ABCC5: variants seen among roughly 807,000 people sequenced by gnomAD.
The protein encoded by ABCC5 is ATP-binding cassette sub-family C member 5.
ABCC5 carries 61 observed loss-of-function variants against 160.9 expected under a neutral mutation model. The ratio of observed to expected loss-of-function variants is 0.38; its 90% CI spans 0.31 to 0.47. ABCC5 has a LOEUF of 0.47. Among genes scored for constraint, ABCC5 ranks in the 20% least tolerant of loss-of-function variants. The pLI is 0.99. For missense variants in ABCC5, 1,308 were observed against 1,813.3 expected, an observed-to-expected ratio of 0.72 and a Z score of 5.06; for synonymous variants, 666 against 700.6, an observed-to-expected ratio of 0.95 and a Z score of 0.78.
Position 183,981,824 on chromosome 3 carries a change from G to T in ABCC5, c.1050C>A (p.Ala350=), listed in dbSNP as rs774530115. ...TAYFRRKCVA[A]TDERVQKMNE... The stretch of plus-strand genomic sequence containing the variant: ...TCATCTTCTGGACACGTTCATCCGT[G>T]GCGGCCACGCATTTTCTCCTGAAAT... Residue 350 remains alanine (A), a synonymous_variant, in exon 8 of 30, where the codon GCC becomes GCA. Coordinates refer to ENST00000334444, the MANE Select transcript of ABCC5 (RefSeq NM_005688.4). The T allele has an allele frequency of 1.4e-5, 22 of 1,611,210 alleles. No homozygotes were observed. The highest frequency in any genetic ancestry group is 1.6e-5 in the Non-Finnish European group (19 of 1,179,300).
intron 17 of ABCC5, among the ~76,000 whole-genome samples, chr3:183,954,078 A>G (rs1343429464): frequency 6.6e-6 from 1 of 152,148 alleles, no homozygotes; most frequent in Non-Finnish European, 1.5e-5. Context: ...GTGCCCTATC[A>G]GGGAAAATAT....
chr3:183,972,935 C>G (rs973701555), intron 10 of ABCC5, among the ~76,000 whole-genome samples: 4 of 152,024 alleles, frequency 2.6e-5, no homozygotes, highest in African/African-American at 7.2e-5. Context: ...CGTGAGCCAC[C>G]GCACCCAGCT....
intron 14 of ABCC5, among the ~76,000 whole-genome samples, chr3:183,964,555 T>C (rs1399618280): frequency 2.0e-5 from 3 of 152,220 alleles, no homozygotes; most frequent in African/African-American, 7.2e-5. Context: ...TCCCAGATGA[T>C]GCTGATGCTG....
chr3:183,947,563 C>T lies in ABCC5; in HGVS notation c.3228-53G>A, dbSNP rs574169793. ...AAAGAAAGTACTACACAACCCCGCG[C>T]ATGGACAAAGCTTCAGCGAATCAGA... On this transcript the variant is annotated intron_variant, in intron 22 of 29. Coordinates refer to ENST00000334444, the MANE Select transcript of ABCC5 (RefSeq NM_005688.4). 5.6e-6 allele frequency: 8 copies of T among 1,426,254 alleles called. No homozygotes were observed. The East Asian group carries it at 1.5e-4, about 26-fold the overall frequency. The allele number at this position is 1,426,254 out of a possible 1,614,324, so 88.3% of individuals were successfully genotyped here.
intron 26 of ABCC5, among the ~76,000 whole-genome samples, chr3:183,930,824 T>C (rs1157807873): frequency 6.6e-6 from 1 of 152,204 alleles, no homozygotes; most frequent in Admixed American, 6.5e-5. Context: ...TTTCTGTTGT[T>C]TGAAGCCATC....
At chr3:184,015,603 G>C (rs1416257230) in intron 1 of ABCC5, among the ~76,000 whole-genome samples, 1 of 151,852 alleles carries the variant, frequency 6.6e-6, no homozygotes, top group Non-Finnish European at 1.5e-5. Flanking sequence ...GCAAAGACAG[G>C]TTTCCAGTCC....
At chr3:183,993,443 C>T (rs1719956842) in intron 2 of ABCC5, among the ~76,000 whole-genome samples, 1 of 144,820 alleles carries the variant, frequency 6.9e-6, no homozygotes, top group Non-Finnish European at 1.5e-5. Context: ...AAGATTGTGC[C>T]ACTGCACTCC....
chr3:183,957,128 G>T (rs1397221848), intron 17 of ABCC5, among the ~76,000 whole-genome samples: 3 of 106,116 alleles, frequency 2.8e-5, no homozygotes, highest in African/African-American at 1.1e-4. Context: ...ACATCACATC[G>T]GTTACATGCG....
intron 24 of ABCC5, among the ~76,000 whole-genome samples, chr3:183,945,138 G>A (rs114346007): frequency 0.036 from 5,499 of 152,204 alleles, 325 homozygotes; most frequent in African/African-American, 0.12. Flanking sequence ...TTAAGCCTTC[G>A]GAACTGTGAG....
At chr3:183,931,000 C>T (rs369985367) in intron 26 of ABCC5, among the ~76,000 whole-genome samples, 9 of 152,152 alleles carry the variant, frequency 5.9e-5, no homozygotes, top group Admixed American at 2.6e-4. Context: ...AGTACTGAAC[C>T]GTATAAATGC....
intron 2 of ABCC5, among the ~76,000 whole-genome samples, chr3:183,996,722 A>G (rs1006650974): frequency 5.3e-5 from 8 of 152,226 alleles, no homozygotes; most frequent in African/African-American, 1.9e-4. Context: ...TGGTTGAAAT[A>G]GCACTAATCT....
intron 16 of ABCC5, among the ~76,000 whole-genome samples, chr3:183,960,049 C>T (rs1393740159): frequency 2.0e-5 from 3 of 152,168 alleles, no homozygotes; most frequent in Non-Finnish European, 2.9e-5. Flanking sequence ...TTGCTCTCCC[C>T]AGTCACTAAA....
intron 16 of ABCC5, among the ~76,000 whole-genome samples, chr3:183,961,248 G>A (rs1716705572): frequency 6.6e-6 from 1 of 152,168 alleles, no homozygotes; most frequent in African/African-American, 2.4e-5. Context: ...TGCCCTCACT[G>A]AGCCCATATC....
intron 8 of ABCC5, among the ~76,000 whole-genome samples, chr3:183,979,456 G>A (rs560700561): frequency 2.2e-4 from 34 of 152,060 alleles, no homozygotes; most frequent in Admixed American, 1.7e-3. Context: ...AATGACAACC[G>A]GAAGAAGATA....
rs753285479 is a variant in ABCC5 at position 183,967,720 on chromosome 3, G to A, written c.1808C>T (p.Ser603Phe). 3.7e-6 allele frequency: 6 copies of A among 1,613,926 alleles called. No homozygotes were observed. The highest frequency in any genetic ancestry group is 5.1e-6 in the Non-Finnish European group (6 of 1,179,854). The change falls in exon 12 of 30, where the codon TCT becomes TTT. Residue 603 changes from serine (S) to phenylalanine (F), a missense_variant. Physicochemically the swap from Ser to Phe is radical, Grantham distance 155. Transcript: ENST00000334444. Reference sequence around the variant, plus strand: ...CTGGCCTAAAATGGCTGAAATGAGAGAGGTTTTTCCACTTCCCACACTGCC... The same window carrying A: ...CTGGCCTAAAATGGCTGAAATGAGAAAGGTTTTTCCACTTCCCACACTGCC... The part of the protein sequence containing the change: ...ICGSVGSGKT[S>F]LISAILGQMT...
chr3:183,946,409 A>G (rs1287439585), intron 23 of ABCC5, among the ~76,000 whole-genome samples: 1 of 152,218 alleles, frequency 6.6e-6, no homozygotes, highest in Non-Finnish European at 1.5e-5. Flanking sequence ...AACAGTCTAT[A>G]TAATGCATTG....
intron 29 of ABCC5, among the ~76,000 whole-genome samples, chr3:183,922,342 C>A (rs927061537): frequency 1.3e-5 from 2 of 150,436 alleles, no homozygotes; most frequent in Non-Finnish European, 3.0e-5. Context: ...ATTGCACTCC[C>A]AGCCTGGGCA....
At chr3:183,969,059 T>A (rs1040178823) in intron 11 of ABCC5, among the ~76,000 whole-genome samples, 3 of 152,190 alleles carry the variant, frequency 2.0e-5, no homozygotes, top group African/African-American at 7.2e-5. Context: ...CAGTTAGATT[T>A]ACATGAGAAA....
chr3:183,989,344 C>T lies in ABCC5; in HGVS notation c.169G>A (p.Glu57Lys), dbSNP rs770885431. 3 of 1,613,956 alleles carry T rather than the reference C, an allele frequency of 1.9e-6. No individual in the cohort carries two copies. Among genetic ancestry groups the T allele is most frequent in the South Asian group, 2.2e-5 (2 of 91,080 alleles). ...QDALETAARA[E>K]GLSLDASMHS... is the part of the protein sequence containing the mutation. ...ATGGAGGCATCAAGAGAGAGGCCCTCGGCTCGGGCTGCTGTTTCCAAGGCA... is the reference window on the plus strand; with the variant it reads ...ATGGAGGCATCAAGAGAGAGGCCCTTGGCTCGGGCTGCTGTTTCCAAGGCA... Residue 57 changes from glutamate to lysine, a missense_variant, in exon 3 of 30, where the codon GAG becomes AAG. Around this residue, in one of 3 missense-constraint regions of ABCC5, gnomAD observed 1,142 missense variants for 1,527.1 expected, o/e 0.75. Coordinates refer to ENST00000334444, the MANE Select transcript of ABCC5 (RefSeq NM_005688.4).
Sources: allele counts gnomAD v4.1 joint callset (sites outside exome capture counted in the v4.1 genomes callset), GRCh38; gene constraint gnomAD v4.1.1; regional missense constraint gnomAD v4.1.1; transcripts MANE v1.5; gene names NCBI Gene and HGNC (gene_info 2026-07-23, HGNC 2026-07-21).